Variants in ITGB8 observed in about 807,000 individuals in gnomAD.
ITGB8 encodes integrin beta-8.
A neutral mutation model predicts 89.5 loss-of-function variants in ITGB8; 30 were observed. The ratio of observed to expected loss-of-function variants is 0.34; its 90% CI spans 0.25 to 0.45. ITGB8 has a LOEUF of 0.45. ITGB8 is among the 20% of genes least tolerant of loss of function. The pLI, the probability that ITGB8 is intolerant of heterozygous loss-of-function variation, is 1.00. For synonymous variants in ITGB8, 335 were observed against 320.4 expected (o/e 1.05, Z -0.49); for missense variants, 836 against 933.3 (o/e 0.90, Z 1.36).
intron 6 of ITGB8, among the ~76,000 whole-genome samples, chr7:20,387,949 GT>G (rs1786695790): frequency 6.6e-6 from 1 of 152,102 alleles, no homozygotes; most frequent in East Asian, 1.9e-4. Flanking sequence ...TATTTAAGTT[GT>G]TTGGTTTTTA....
intron 1 of ITGB8, among the ~76,000 whole-genome samples, chr7:20,353,707 G>T (rs1049435263): frequency 6.8e-6 from 1 of 147,204 alleles, no homozygotes; most frequent in Non-Finnish European, 1.5e-5. Context: ...GCCGAGGCGG[G>T]CGGATCACGA....
chr7:20,360,915 C>CT lies in ITGB8; in HGVS notation c.128-2702dup, dbSNP rs1167974755. Among the ~76,000 whole-genome samples the CT allele has an allele frequency of 1.0e-2, 805 of 80,822 alleles. 6 individuals are homozygous for CT. The highest frequency in any genetic ancestry group is 0.038 in the Middle Eastern group (4 of 104). 53.0% of individuals were successfully genotyped at this position (80,822 alleles called of 152,430 possible). A position where few individuals can be genotyped will look rare whatever the true frequency, so the allele number is the denominator to read the frequency against. On this transcript the variant is annotated intron_variant, in intron 1 of 13. Transcript: ENST00000222573. The stretch of plus-strand genomic sequence containing the variant: ...GTAGATCTACTTTTGCAACTGCAGT[C>CT]TTTTTTTTTTTTTTTTTTTTGGAGT...
rs938312604 is a variant in ITGB8 at position 20,412,087 on chromosome 7, G to A, written c.*2090G>A. 6.6e-6 allele frequency: 1 copy of A among 152,588 alleles called. No individual in the cohort carries two copies. The highest frequency in any genetic ancestry group is 2.4e-5 in the African/African-American group (1 of 41,446). The allele number at this position is 152,588 out of a possible 1,614,324, so 9.5% of individuals were successfully genotyped here. On this transcript the variant is annotated 3_prime_UTR_variant, in exon 14 of 14. Coordinates refer to ENST00000222573, the MANE Select transcript of ITGB8 (RefSeq NM_002214.3). ...CACTTGAGTTAAAGTACTAGATACTGCATTTTGATGAAGACTAACCCCATC... is the reference window on the plus strand; with the variant it reads ...CACTTGAGTTAAAGTACTAGATACTACATTTTGATGAAGACTAACCCCATC...
intron 3 of ITGB8, among the ~76,000 whole-genome samples, chr7:20,377,595 GA>G (rs1195172444): frequency 1.3e-5 from 2 of 152,204 alleles, no homozygotes; most frequent in Non-Finnish European, 2.9e-5. Context: ...TCTGTCAACA[GA>G]AGCCCAAAAG....
intron 6 of ITGB8, among the ~76,000 whole-genome samples, chr7:20,388,656 C>A (rs1227190365): frequency 1.3e-5 from 2 of 150,900 alleles, no homozygotes; most frequent in East Asian, 3.9e-4. Context: ...TTTTATTATA[C>A]TTTAAGTTCT....
chr7:20,385,741 G>A (rs1033850336), intron 6 of ITGB8, among the ~76,000 whole-genome samples: 8 of 152,096 alleles, frequency 5.3e-5, no homozygotes, highest in Non-Finnish European at 1.0e-4. Flanking sequence ...ATTTTTCCAG[G>A]ACTGCAGATG....
chr7:20,377,738 A>G (rs1190432596), intron 3 of ITGB8, among the ~76,000 whole-genome samples: 1 of 152,216 alleles, frequency 6.6e-6, no homozygotes, highest in Non-Finnish European at 1.5e-5. Context: ...TAGGAGCATT[A>G]CACTAAAGGG....
rs1272072642 is a variant in ITGB8, at chr7:20,414,195, T to C, written c.*4198T>C. Reference sequence around the variant, plus strand: ...ATGCATCTAGGCAAATTTTGTTTTCTTATAAAGATTTGAGAGCCCATTTAT... The same window carrying C: ...ATGCATCTAGGCAAATTTTGTTTTCCTATAAAGATTTGAGAGCCCATTTAT... On this transcript the variant is annotated 3_prime_UTR_variant, in exon 14 of 14. Transcript: ENST00000222573. 1 of 152,148 alleles carries C rather than the reference T, an allele frequency of 6.6e-6. No homozygotes were observed. The highest frequency in any genetic ancestry group is 1.5e-5 in the Non-Finnish European group (1 of 67,980). 9.4% of individuals were successfully genotyped at this position (152,148 alleles called of 1,614,324 possible).
In ITGB8 at chr7:20,360,190, T is replaced by G. The variant is rs895185287; in HGVS notation, c.128-3447T>G. ...TACAAAGAAAACAGATTTTCACTTGTGAATTTGTTTTTGCCATGTGTACTA... is the reference window on the plus strand; with the variant it reads ...TACAAAGAAAACAGATTTTCACTTGGGAATTTGTTTTTGCCATGTGTACTA... On this transcript the variant is annotated intron_variant, in intron 1 of 13. Transcript: ENST00000222573. Among the ~76,000 whole-genome samples, 10 of 152,234 alleles carry G rather than the reference T, an allele frequency of 6.6e-5. No homozygotes were observed. The East Asian group carries it at 1.9e-3, about 29-fold the overall frequency.
chr7:20,368,921 A>T (rs1785818085), intron 3 of ITGB8, among the ~76,000 whole-genome samples: 1 of 152,184 alleles, frequency 6.6e-6, no homozygotes, highest in Non-Finnish European at 1.5e-5. Context: ...GCAAAACTAT[A>T]ATCTAGGGCC....
At chr7:20,382,627 T>C (rs1786444646) in intron 6 of ITGB8, among the ~76,000 whole-genome samples, 1 of 152,228 alleles carries the variant, frequency 6.6e-6, no homozygotes, top group Non-Finnish European at 1.5e-5. Context: ...CCCTAGTCTC[T>C]CAGTGATTTT....
At chr7:20,391,898 G>C (rs1786874146) in intron 7 of ITGB8, among the ~76,000 whole-genome samples, 1 of 152,170 alleles carries the variant, frequency 6.6e-6, no homozygotes, top group Non-Finnish European at 1.5e-5. Context: ...GTTAAAATTA[G>C]AGAATATCAG....
At chr7:20,380,541 T>C in intron 4 of ITGB8, 125 bp from the exon 5 acceptor site, 2 of 739,368 alleles carry the variant, frequency 2.7e-6, no homozygotes, top group Non-Finnish European at 4.5e-6. Context: ...ATTTTCGTCG[T>C]ATAAAGTTTC....
At chr7:20,399,114 A>G in intron 9 of ITGB8, 120 bp downstream of exon 9, 1 of 1,024,464 alleles carries the variant, frequency 9.8e-7, no homozygotes, top group Non-Finnish European at 1.4e-6. Flanking sequence ...AATCTTATTT[A>G]TACTTCAAGG....
chr7:20,357,016 C>A (rs538475144), intron 1 of ITGB8, among the ~76,000 whole-genome samples: 75 of 152,212 alleles, frequency 4.9e-4, no homozygotes, highest in African/African-American at 1.7e-3. Flanking sequence ...TTTTTCCTGA[C>A]TTTTGTGTAC....
intron 4 of ITGB8, chr7:20,380,157 T>C (rs1223632170): frequency 6.3e-6 from 1 of 157,572 alleles, no homozygotes; most frequent in African/African-American, 2.4e-5. Flanking sequence ...GAATCATTCT[T>C]ACTTTCTGGG....
chr7:20,380,073 C>T (rs983602041), intron 4 of ITGB8: 8 of 152,278 alleles, frequency 5.3e-5, no homozygotes, highest in Non-Finnish European at 1.5e-5. Context: ...GCTCTGTCAT[C>T]TGTTGTACCG....
chr7:20,353,931 CAAAAAAAAAAA>C (rs1158594685), intron 1 of ITGB8, among the ~76,000 whole-genome samples: 1 of 55,720 alleles, frequency 1.8e-5, no homozygotes, highest in Non-Finnish European at 2.9e-5. Context: ...GACTCCGTCT[CAAAAAAAAAAA>C]AAAAAAAAAA....
Position 20,411,502 on chromosome 7 carries a change from T to G in ITGB8, c.*1505T>G, listed in dbSNP as rs998608225. The stretch of plus-strand genomic sequence containing the variant: ...TTAGGGAACTGAGCCTCAGAAAACT[T>G]AAACGATTTCTCAGAAAACACTCAA... On this transcript the variant is annotated 3_prime_UTR_variant, in exon 14 of 14. Transcript: ENST00000222573. The G allele has an allele frequency of 6.6e-6, 1 of 152,538 alleles. No individual in the cohort carries two copies. Among genetic ancestry groups the G allele is most frequent in the African/African-American group, 2.4e-5 (1 of 41,434 alleles). The allele number at this position is 152,538 out of a possible 1,614,324, so 9.4% of individuals were successfully genotyped here.
Sources: gnomAD v4.1 joint callset for allele counts (sites outside exome capture counted in the v4.1 genomes callset) on GRCh38, gnomAD v4.1.1 for gene constraint, MANE v1.5 for transcripts, NCBI Gene and HGNC (gene_info 2026-07-23, HGNC 2026-07-21) for gene names.